JAKMIP3: variants seen among roughly 807,000 people sequenced by gnomAD.
JAKMIP3 encodes janus kinase and microtubule-interacting protein 3.
Under a neutral mutation model 118.5 loss-of-function variants are expected in JAKMIP3, and 58 were observed. That is an observed-to-expected ratio of 0.49 (90% CI 0.40 to 0.61). The LOEUF is 0.61. Among genes scored for constraint, JAKMIP3 ranks in the 20% least tolerant of loss-of-function variants. JAKMIP3 has a pLI of 0.00. For synonymous variants in JAKMIP3, 486 were observed against 451.2 expected (o/e 1.08, Z -0.98); for missense variants, 950 against 1,109.0 (o/e 0.86, Z 2.04).
chr10:132,066,204 C>T (rs2038742941), intron 1 of JAKMIP3, among the ~76,000 whole-genome samples, 143 bp downstream of exon 1: 2 of 152,168 alleles, frequency 1.3e-5, no homozygotes, highest in East Asian at 1.9e-4. Flanking sequence ...GGGGTCTGTC[C>T]TCTGAGGGGT....
At chr10:132,057,723 G>A (rs1264733061) in intron 1 of JAKMIP3, among the ~76,000 whole-genome samples, 1 of 152,192 alleles carries the variant, frequency 6.6e-6, no homozygotes, top group Non-Finnish European at 1.5e-5. Context: ...CCTTGGTGCT[G>A]GGTGCTCAGG....
intron 1 of JAKMIP3, among the ~76,000 whole-genome samples, chr10:132,057,809 G>A (rs894449285): frequency 4.6e-5 from 7 of 152,176 alleles, no homozygotes; most frequent in African/African-American, 1.4e-4. Context: ...CCTGGACAGC[G>A]CCTCCCTCCC....
intron 1 of JAKMIP3, among the ~76,000 whole-genome samples, chr10:132,077,008 G>A (rs770988903): frequency 1.8e-4 from 27 of 151,852 alleles, no homozygotes; most frequent in Non-Finnish European, 3.2e-4. Flanking sequence ...GTCTTACCGC[G>A]TGAGGGCTGG....
chr10:132,063,567 C>T (rs558347269), upstream of JAKMIP3, among the ~76,000 whole-genome samples: 244 of 152,306 alleles, frequency 1.6e-3, no homozygotes, highest in Middle Eastern at 3.4e-3. Context: ...GCTGGAACGC[C>T]GGGTGTCAGC....
intron 1 of JAKMIP3, among the ~76,000 whole-genome samples, chr10:132,089,887 ATAAT>A (rs1271367135): frequency 2.0e-5 from 3 of 152,178 alleles, no homozygotes; most frequent in Non-Finnish European, 4.4e-5. Context: ...TGTCCCATCA[ATAAT>A]TAATTTATTG....
At chr10:132,180,772 T>TGTGTGTGCGTGC (rs1554963486) in intron 23 of JAKMIP3, among the ~76,000 whole-genome samples, 3,988 of 63,668 alleles carry the variant, frequency 0.063, 1,590 homozygotes, top group African/African-American at 0.17. Flanking sequence ...TGTGTGTGCG[T>TGTGTGTGCGTGC]GTGTGTGTGT....
chr10:132,115,510 CAG>C lies in JAKMIP3; in HGVS notation c.136-1566_136-1565del, dbSNP rs993472514. Among the ~76,000 whole-genome samples the C allele has an allele frequency of 7.2e-5, 11 of 152,308 alleles. No homozygotes were observed. In the South Asian group the frequency reaches 1.9e-3, roughly 26 times the overall value. ...TTTCTGCATCATCCTGGAGTCCTCTCAGGGGAAATTACGGCTGGTTTGAAATG... is the reference window on the plus strand; with the variant it reads ...TTTCTGCATCATCCTGGAGTCCTCTCGGGAAATTACGGCTGGTTTGAAATG... On this transcript the variant is annotated intron_variant, in intron 2 of 23. Coordinates refer to ENST00000684848, the MANE Select transcript of JAKMIP3 (RefSeq NM_001323087.2).
rs767049534 is a variant in JAKMIP3, at chr10:132,168,059, G to A, written c.*129G>A. 85 of 1,289,458 alleles carry A rather than the reference G, an allele frequency of 6.6e-5. No individual in the cohort carries two copies. Among genetic ancestry groups the A allele is most frequent in the Admixed American group, 2.1e-4 (9 of 43,548 alleles). The allele number at this position is 1,289,458 out of a possible 1,614,324, so 79.9% of individuals were successfully genotyped here. On this transcript the variant is annotated 3_prime_UTR_variant, in exon 23 of 24. Transcript: ENST00000684848. The stretch of plus-strand genomic sequence containing the variant: ...ACCCAGGGAGATTTGGTCTCTGCAC[G>A]CCCGTCCCGTGGAGGAAGAGTGAGA...
chr10:132,118,019 G>A lies in JAKMIP3; in HGVS notation c.633+445G>A, dbSNP rs1392478460. Among the ~76,000 whole-genome samples the A allele has an allele frequency of 6.6e-6, 1 of 152,136 alleles. No homozygotes were observed. Among genetic ancestry groups the A allele is most frequent in the Non-Finnish European group, 1.5e-5 (1 of 68,012 alleles). ...AGGAGTCCCACACATCCTCACGGGG[G>A]GACTCAGAGGGAATTCTCCAGTGAT... On this transcript the variant is annotated intron_variant, in intron 3 of 23. Transcript: ENST00000684848. This position sits in a 1 kb window ranked among gnomAD's most constrained non-coding sequence, Gnocchi z 4.8.
chr10:132,109,964 C>T (rs1194250096), intron 2 of JAKMIP3, among the ~76,000 whole-genome samples: 1 of 152,176 alleles, frequency 6.6e-6, no homozygotes, highest in Admixed American at 6.5e-5. Flanking sequence ...GTGTCCGTGC[C>T]AAAAGTAATA....
chr10:132,145,219 G>A, intron 12 of JAKMIP3, 29 bp downstream of exon 12: 1 of 1,554,052 alleles, frequency 6.4e-7, no homozygotes, highest in Middle Eastern at 1.7e-4. Context: ...GCACGGGCGT[G>A]GGGGCACACG....
chr10:132,060,298 G>T (rs1192561526), upstream of JAKMIP3, among the ~76,000 whole-genome samples: 1 of 152,178 alleles, frequency 6.6e-6, no homozygotes, highest in Non-Finnish European at 1.5e-5. Flanking sequence ...AGGTGATGAT[G>T]AGATGGGGGC....
intron 1 of JAKMIP3, among the ~76,000 whole-genome samples, chr10:132,076,682 A>G (rs1468704841): frequency 1.5e-5 from 2 of 130,004 alleles, no homozygotes; most frequent in Admixed American, 7.6e-5. Flanking sequence ...TGGCATGAGG[A>G]CTGGCCTGCG....
chr10:132,037,219 C>T (rs558824490), intron 1 of JAKMIP3, among the ~76,000 whole-genome samples: 4 of 152,288 alleles, frequency 2.6e-5, no homozygotes, highest in African/African-American at 7.2e-5. Context: ...CGGGAGGAGG[C>T]GCCGGCCTGG....
intron 3 of JAKMIP3, among the ~76,000 whole-genome samples, chr10:132,125,785 C>T (rs551352722): frequency 2.6e-5 from 4 of 152,256 alleles, no homozygotes; most frequent in South Asian, 2.1e-4. Context: ...AATTATTTTT[C>T]GCTGCTATAC....
intron 1 of JAKMIP3, among the ~76,000 whole-genome samples, chr10:132,043,186 T>C (rs2037812712): frequency 6.6e-6 from 1 of 152,136 alleles, no homozygotes; most frequent in African/African-American, 2.4e-5. Flanking sequence ...GTCAATGTAT[T>C]TTATAGGCTG....
intron 19 of JAKMIP3, among the ~76,000 whole-genome samples, chr10:132,157,250 G>A (rs1221272742): frequency 4.6e-5 from 7 of 152,072 alleles, no homozygotes; most frequent in South Asian, 2.1e-4. Context: ...GTGTGCGCAC[G>A]TGCATTTTCA....
At chr10:132,126,743 G>A (rs1379999919) in intron 3 of JAKMIP3, among the ~76,000 whole-genome samples, 1 of 132,016 alleles carries the variant, frequency 7.6e-6, no homozygotes, top group Admixed American at 7.5e-5. Flanking sequence ...AAATCAAAAT[G>A]ATCATGTGTT....
chr10:132,053,995 G>A (rs1353606485), intron 1 of JAKMIP3, among the ~76,000 whole-genome samples: 10 of 145,554 alleles, frequency 6.9e-5, no homozygotes, highest in Admixed American at 1.4e-4. Context: ...AGCTGAGATC[G>A]TGCCACTGCA....
Sources: allele counts gnomAD v4.1 joint callset (sites outside exome capture counted in the v4.1 genomes callset), GRCh38; gene constraint gnomAD v4.1.1; non-coding constraint Gnocchi (gnomAD v3.1); transcripts MANE v1.5; gene names NCBI Gene and HGNC (gene_info 2026-07-23, HGNC 2026-07-21).